LRRD1: variants seen among roughly 807,000 people sequenced by gnomAD.
The protein encoded by LRRD1 is leucine-rich repeat and death domain-containing protein 1.
In LRRD1, 49 loss-of-function variants were observed where a neutral mutation model predicts 69.5. The ratio of observed to expected loss-of-function variants is 0.70; its 90% CI spans 0.56 to 0.89. The LOEUF is 0.89. Among genes scored for constraint, LRRD1 ranks in the 40% least tolerant of loss-of-function variants. LRRD1 has a pLI of 0.00. For synonymous variants in LRRD1, 303 were observed against 338.9 expected, an observed-to-expected ratio of 0.89 and a Z score of 1.16; for missense variants, 853 against 956.0, an observed-to-expected ratio of 0.89 and a Z score of 1.42.
At chr7:92,155,620 T>A (rs1297007330) in intron 3 of LRRD1, among the ~76,000 whole-genome samples, 1 of 152,020 alleles carries the variant, frequency 6.6e-6, no homozygotes, top group East Asian at 1.9e-4. Flanking sequence ...TATATATATA[T>A]AAAAGGGAGT....
chr7:92,143,675 C>T (rs1022461022), downstream of LRRD1, among the ~76,000 whole-genome samples: 1 of 152,162 alleles, frequency 6.6e-6, no homozygotes, highest in Non-Finnish European at 1.5e-5. Flanking sequence ...GCAAGCACCG[C>T]GTGCAGCCCG....
chr7:92,176,996 T>C (rs1789212998), intron 1 of LRRD1, among the ~76,000 whole-genome samples: 1 of 148,462 alleles, frequency 6.7e-6, no homozygotes, highest in Non-Finnish European at 1.5e-5. Context: ...AATATATAAA[T>C]AATAAAAATA....
chr7:92,163,790 C>T lies in LRRD1; in HGVS notation c.1413G>A (p.Leu471=). ...KNCQKIIKIE[L]SYNKIMYFPL... is the part of the protein sequence containing the mutation. ...GAAAATACATTATTTTGTTATAACT[C>T]AATTCAATTTTAATTATTTTTTGGC... is the stretch of plus-strand genomic sequence containing the variant. Residue 471 remains leucine (L), a synonymous_variant, in exon 2 of 6, where the codon TTG becomes TTA. Coordinates refer to ENST00000458448, the MANE Select transcript of LRRD1 (RefSeq NM_001161528.2). 1 of 1,503,210 alleles carries T rather than the reference C, an allele frequency of 6.7e-7. No homozygotes were observed. The highest frequency in any genetic ancestry group is 8.8e-7 in the Non-Finnish European group (1 of 1,130,024). 93.1% of individuals were successfully genotyped at this position (1,503,210 alleles called of 1,614,324 possible).
chr7:92,164,475 T>C lies in LRRD1; in HGVS notation c.728A>G (p.Asn243Ser). The C allele has an allele frequency of 2.6e-6, 4 of 1,550,000 alleles. No homozygotes were observed. Among genetic ancestry groups the C allele is most frequent in the Non-Finnish European group, 3.5e-6 (4 of 1,146,210 alleles). Reference protein sequence around the residue: ...LGNIRQLFFYNNYIENFPSDL... With the variant: ...LGNIRQLFFYSNYIENFPSDL... ...AGAAGGAAAATTTTCAATGTAATTG[T>C]TATAAAAAAAGAGTTGTCTGATATT... Residue 243 changes from asparagine to serine, a missense_variant, in exon 2 of 6, where the codon AAC becomes AGC. Coordinates refer to ENST00000458448, the MANE Select transcript of LRRD1 (RefSeq NM_001161528.2).
Position 92,164,794 on chromosome 7 carries a change from G to A in LRRD1, c.409C>T (p.Leu137Phe). 1.9e-6 allele frequency: 3 copies of A among 1,551,550 alleles called. No individual in the cohort carries two copies. The highest frequency in any genetic ancestry group is 2.6e-6 in the Non-Finnish European group (3 of 1,146,918). The stretch of plus-strand genomic sequence containing the variant: ...GTAAAGTTATCTGCCCCTAGGCCAA[G>A]TTGTTTCTGATTTTCTTCAGAGACT... ...PQVSEENQKQLGLGADNFTVN... is the reference protein window; with the variant it reads ...PQVSEENQKQFGLGADNFTVN... The change falls in exon 2 of 6, where the codon CTT (leucine) becomes TTT (phenylalanine). Residue 137 changes from leucine (L) to phenylalanine (F), a missense_variant. Transcript: ENST00000458448.
chr7:92,144,025 A>G (rs913934128), downstream of LRRD1, among the ~76,000 whole-genome samples: 4 of 152,224 alleles, frequency 2.6e-5, no homozygotes, highest in Non-Finnish European at 5.9e-5. Flanking sequence ...CATTCCCCCT[A>G]TGAAAGGTTT....
chr7:92,170,491 A>G (rs947405611), intron 1 of LRRD1, among the ~76,000 whole-genome samples: 1 of 152,208 alleles, frequency 6.6e-6, no homozygotes, highest in African/African-American at 2.4e-5. Context: ...GTGGCAAGAG[A>G]AAAGGCGCAA....
At chr7:92,154,492 A>G (rs1332642055) in intron 3 of LRRD1, among the ~76,000 whole-genome samples, 8 of 150,702 alleles carry the variant, frequency 5.3e-5, no homozygotes, top group African/African-American at 2.0e-4. Context: ...CAATCCTCAC[A>G]TCTCAGCCTC....
At chr7:92,174,496 TATATATATATATA>T (rs1177151889) in intron 1 of LRRD1, among the ~76,000 whole-genome samples, 22 of 20,664 alleles carry the variant, frequency 1.1e-3, no homozygotes, top group African/African-American at 4.0e-3. Flanking sequence ...TATATATATA[TATATATATATATA>T]TTTTTTTTTT....
chr7:92,176,649 C>T lies in LRRD1; in HGVS notation c.-75+2358G>A, dbSNP rs1019589979. ...TGCAATCTCGGCTCACTGCAACCTCCGCCTTCCAGGTTCAAGTGATTCTCC... is the reference window on the plus strand; with the variant it reads ...TGCAATCTCGGCTCACTGCAACCTCTGCCTTCCAGGTTCAAGTGATTCTCC... On this transcript the variant is annotated intron_variant, in intron 1 of 5. Coordinates refer to ENST00000458448, the MANE Select transcript of LRRD1 (RefSeq NM_001161528.2). Among the ~76,000 whole-genome samples the T allele has an allele frequency of 5.9e-5, 9 of 151,966 alleles. No homozygotes were observed. In the East Asian group the frequency reaches 7.7e-4, roughly 13 times the overall value.
At chr7:92,148,808 T>C (rs1563188535) in intron 4 of LRRD1, among the ~76,000 whole-genome samples, 1 of 152,172 alleles carries the variant, frequency 6.6e-6, no homozygotes, top group Non-Finnish European at 1.5e-5. Context: ...AGTGCAGTGG[T>C]GTGATCTCGG....
At chr7:92,173,290 G>GT (rs1187282935) in intron 1 of LRRD1, among the ~76,000 whole-genome samples, 1 of 152,150 alleles carries the variant, frequency 6.6e-6, no homozygotes. Flanking sequence ...TCTGGCCAAA[G>GT]TTTTTTTGTG....
At chr7:92,147,320 G>T (rs951925724) in intron 4 of LRRD1, among the ~76,000 whole-genome samples, 5 of 151,940 alleles carry the variant, frequency 3.3e-5, no homozygotes, top group Admixed American at 6.6e-5. Context: ...CGCCCTCCTC[G>T]GCCTCCCAAA....
chr7:92,152,865 T>C (rs1820508695), intron 3 of LRRD1, among the ~76,000 whole-genome samples: 1 of 152,138 alleles, frequency 6.6e-6, no homozygotes, highest in Non-Finnish European at 1.5e-5. Context: ...AGACGAGGTT[T>C]CACCATATTG....
At chr7:92,146,003 G>A (rs977624338) in intron 5 of LRRD1, 80 bp downstream of exon 5, 2 of 729,410 alleles carry the variant, frequency 2.7e-6, no homozygotes, top group Non-Finnish European at 4.3e-6. Context: ...TAATACGAAT[G>A]TTTCAAAACC....
intron 1 of LRRD1, among the ~76,000 whole-genome samples, chr7:92,170,497 C>T (rs1310159521): frequency 1.3e-5 from 2 of 152,064 alleles, no homozygotes; most frequent in African/African-American, 2.4e-5. Flanking sequence ...AGAGAAAAGG[C>T]GCAAATAACA....
At chr7:92,143,787 G>A (rs892151040), downstream of LRRD1, among the ~76,000 whole-genome samples, 2 of 152,232 alleles carry the variant, frequency 1.3e-5, no homozygotes, top group African/African-American at 4.8e-5. Flanking sequence ...GCAGCGGTGG[G>A]CTGAAGGGCT....
In LRRD1 at chr7:92,144,895, T is replaced by G; in HGVS notation, c.2576A>C (p.Lys859Thr). The G allele has an allele frequency of 6.7e-7, 1 of 1,482,740 alleles. No homozygotes were observed. Among genetic ancestry groups the G allele is most frequent in the Non-Finnish European group, 9.0e-7 (1 of 1,107,042 alleles). The allele number at this position is 1,482,740 out of a possible 1,614,324, so 91.8% of individuals were successfully genotyped here. The change falls in exon 6 of 6, where the codon AAA becomes ACA. Residue 859 changes from lysine (K) to threonine (T), a missense_variant. Transcript: ENST00000458448. ...TTATTATTGATCCACTGGTTAGAAT[T>G]TAATTGCACGCGTAAAAAGATTTAA... The part of the protein sequence containing the change: ...TALNLFTRAI[K>T]F
chr7:92,153,889 T>C (rs1788588196), intron 3 of LRRD1, among the ~76,000 whole-genome samples: 1 of 151,864 alleles, frequency 6.6e-6, no homozygotes, highest in South Asian at 2.1e-4. Flanking sequence ...CAAGCTGGAG[T>C]GCAGTGGCAG....
Sources: allele counts gnomAD v4.1 joint callset (sites outside exome capture counted in the v4.1 genomes callset), GRCh38; gene constraint gnomAD v4.1.1; transcripts MANE v1.5; gene names NCBI Gene and HGNC (gene_info 2026-07-23, HGNC 2026-07-21).